The following AFF2 variants were observed in gnomAD, a reference collection of about 807,000 sequenced individuals.
AFF2 encodes ALF transcription elongation factor 2, also known as AF4/FMR2 family member 2.
In AFF2, 14 loss-of-function variants were observed where a neutral mutation model predicts 76.9. The observed-to-expected ratio is 0.18, with a 90% confidence interval of 0.12 to 0.28. AFF2 has a LOEUF of 0.28. Among genes scored for constraint, AFF2 ranks in the 10% least tolerant of loss-of-function variants. The pLI is 1.00. For synonymous variants in AFF2, 398 were observed against 366.7 expected (o/e 1.09, Z -0.98); for missense variants, 868 against 1,001.1 (o/e 0.87, Z 1.79).
intron 3 of AFF2, among the ~76,000 whole-genome samples, chrX:148,784,934 C>T (rs1264886660): frequency 9.0e-6 from 1 of 111,722 alleles, no homozygotes; most frequent in African/African-American, 3.3e-5. Flanking sequence ...CAAACAAAGC[C>T]ATAGGCCATC....
intron 3 of AFF2, among the ~76,000 whole-genome samples, chrX:148,716,705 A>G (rs782701514): frequency 1.8e-5 from 2 of 111,236 alleles, no homozygotes; most frequent in African/African-American, 6.5e-5. Flanking sequence ...CCTTATCTAT[A>G]TATACTCTTA....
At chrX:148,543,100 G>GAAT (rs2052878418) in intron 1 of AFF2, among the ~76,000 whole-genome samples, 1 of 111,403 alleles carries the variant, frequency 9.0e-6, no homozygotes, top group Non-Finnish European at 1.9e-5. Context: ...CTAAATTGTA[G>GAAT]ACCCTGGTAT....
At chrX:148,536,301 A>C (rs2052785819) in intron 1 of AFF2, among the ~76,000 whole-genome samples, 1 of 111,124 alleles carries the variant, frequency 9.0e-6, no homozygotes, top group African/African-American at 3.3e-5. Flanking sequence ...TCTGCCTTCC[A>C]TCAGCAGGCA....
chrX:148,878,588 G>T (rs782458454), intron 7 of AFF2, among the ~76,000 whole-genome samples: 1 of 111,981 alleles, frequency 8.9e-6, no homozygotes, highest in Admixed American at 9.5e-5. Flanking sequence ...ATGACTCAAA[G>T]GAAATTCTTT....
chrX:148,563,037 C>A (rs1489790152), intron 1 of AFF2, among the ~76,000 whole-genome samples: 10 of 111,931 alleles, frequency 8.9e-5, no homozygotes, highest in Non-Finnish European at 1.9e-4. Flanking sequence ...TGAGCCGAGG[C>A]CTGCAGGATG....
At chrX:148,848,708 C>G (rs1350364742) in intron 7 of AFF2, among the ~76,000 whole-genome samples, 6 of 112,295 alleles carry the variant, frequency 5.3e-5, no homozygotes, top group Non-Finnish European at 1.1e-4. Flanking sequence ...AAAAATACTG[C>G]TAATCAGTTT....
intron 3 of AFF2, among the ~76,000 whole-genome samples, chrX:148,681,569 TGTGTGTGTGTGTGTGA>T (rs2054548221): frequency 1.3e-5 from 1 of 75,118 alleles, no homozygotes; most frequent in African/African-American, 4.5e-5. Flanking sequence ...TGTGTCAGTG[TGTGTGTGTGTGTGTGA>T]GAGAGAGAGA....
intron 9 of AFF2, among the ~76,000 whole-genome samples, chrX:148,916,703 T>C (rs1239258393): frequency 8.9e-6 from 1 of 111,843 alleles, no homozygotes; most frequent in Non-Finnish European, 1.9e-5. Flanking sequence ...GTATACAAAA[T>C]AGCATACAAC....
chrX:148,843,875 C>T (rs565129952), intron 7 of AFF2, among the ~76,000 whole-genome samples: 1 of 111,105 alleles, frequency 9.0e-6, no homozygotes, highest in South Asian at 3.9e-4. Context: ...GATCCCCTCC[C>T]CAAATACCCA....
intron 3 of AFF2, among the ~76,000 whole-genome samples, chrX:148,663,514 T>G (rs1438205791): frequency 1.8e-5 from 2 of 112,465 alleles, no homozygotes; most frequent in Non-Finnish European, 3.8e-5. Context: ...CAAAGCCTCT[T>G]CTAAGGAATG....
intron 9 of AFF2, among the ~76,000 whole-genome samples, chrX:148,912,248 G>T (rs1318648843): frequency 8.9e-6 from 1 of 112,178 alleles, no homozygotes; most frequent in Admixed American, 9.4e-5. Flanking sequence ...GTCATTTGCT[G>T]CGCATATTGA....
chrX:148,819,085 T>G (rs2070298786), intron 4 of AFF2, among the ~76,000 whole-genome samples: 1 of 110,963 alleles, frequency 9.0e-6, no homozygotes, highest in South Asian at 3.8e-4. Flanking sequence ...AATCACTATA[T>G]CAATGCCGAG....
intron 4 of AFF2, among the ~76,000 whole-genome samples, chrX:148,831,758 C>T (rs188794886): frequency 2.7e-5 from 3 of 112,389 alleles, no homozygotes; most frequent in East Asian, 2.8e-4. Context: ...AGGGCACTTG[C>T]GCCTTATTCC....
At chrX:148,501,676 C>T (rs1569550380) in intron 1 of AFF2, among the ~76,000 whole-genome samples, 1 of 113,542 alleles carries the variant, frequency 8.8e-6, no homozygotes, top group Non-Finnish European at 1.9e-5. Context: ...CTTCTGCCGA[C>T]TCAGCCCAAG....
At chrX:148,645,625 G>A (rs185739805) in intron 1 of AFF2, among the ~76,000 whole-genome samples, 14 of 112,519 alleles carry the variant, frequency 1.2e-4, no homozygotes, top group African/African-American at 4.2e-4. Context: ...TTGTTAGAGA[G>A]ATGACAACGT....
At chrX:148,529,257 A>T (rs1276712430) in intron 1 of AFF2, among the ~76,000 whole-genome samples, 1 of 111,678 alleles carries the variant, frequency 9.0e-6, no homozygotes, top group Non-Finnish European at 1.9e-5. Context: ...AGGTTGAGGG[A>T]GTGGACTGCC....
intron 3 of AFF2, among the ~76,000 whole-genome samples, chrX:148,687,839 C>T (rs902227817): frequency 3.6e-5 from 4 of 110,762 alleles, no homozygotes; most frequent in East Asian, 5.7e-4. Context: ...CCTCTTTCTC[C>T]GCTTATCCCC....
At chrX:148,589,277 G>T (rs1289595668) in intron 1 of AFF2, among the ~76,000 whole-genome samples, 3 of 111,547 alleles carry the variant, frequency 2.7e-5, no homozygotes, top group African/African-American at 6.5e-5. Context: ...GATAAAGCAG[G>T]CTCTGACATG....
intron 1 of AFF2, among the ~76,000 whole-genome samples, chrX:148,637,518 G>A (rs148717631): frequency 0.013 from 1,459 of 111,827 alleles, 29 homozygotes; most frequent in African/African-American, 0.043. Context: ...CTACTTTTAG[G>A]CTAGTGCTGA....
Sources: gnomAD v4.1 joint callset for allele counts (sites outside exome capture counted in the v4.1 genomes callset) on GRCh38, gnomAD v4.1.1 for gene constraint, MANE v1.5 for transcripts, NCBI Gene and HGNC (gene_info 2026-07-23, HGNC 2026-07-21) for gene names.